Variants in REG3G observed in about 807,000 individuals in gnomAD.
REG3G encodes the protein regenerating family member 3 gamma.
In REG3G, 19 loss-of-function variants were observed where a neutral mutation model predicts 20.9. The observed-to-expected ratio is 0.91, with a 90% CI of 0.64 to 1.34. REG3G has a LOEUF of 1.34. REG3G is among the 40% of genes most tolerant of loss of function. REG3G has a pLI of 0.00. For missense variants in REG3G, 235 were observed against 205.0 expected, an observed-to-expected ratio of 1.15 and a Z score of -0.89; for synonymous variants, 89 against 77.4, an observed-to-expected ratio of 1.15 and a Z score of -0.79.
Position 79,027,922 on chromosome 2 carries a change from C to T in REG3G, c.449C>T (p.Ser150Leu). The T allele has an allele frequency of 4.3e-6, 7 of 1,614,040 alleles. No individual in the cohort carries two copies. Among genetic ancestry groups the T allele is most frequent in the Non-Finnish European group, 5.1e-6 (6 of 1,179,956 alleles). Residue 150 changes from serine to leucine, a missense_variant, in exon 5 of 6, where the codon TCA (serine) becomes TTA (leucine). By Grantham distance (145) the Ser-to-Leu change is moderately radical. Transcript: ENST00000272324. ...AACCCTGGCCACTGTGGGAGCCTGT[C>T]AAGAAGCACAGGTAAGAAACAGAAG... ...ILNPGHCGSL[S>L]RSTGFLKWKD... is the part of the protein sequence containing the mutation.
chr2:79,028,371 C>A lies in REG3G; in HGVS notation c.*95C>A. The A allele has an allele frequency of 1.2e-6, 1 of 827,294 alleles. No individual in the cohort carries two copies. 51.2% of individuals were successfully genotyped at this position (827,294 alleles called of 1,614,324 possible). Reference sequence around the variant, plus strand: ...TCACCCTGGAAGAGAATATTCTCCCCAAACTGCCCTACCTGACTACCTTGT... The same window carrying A: ...TCACCCTGGAAGAGAATATTCTCCCAAAACTGCCCTACCTGACTACCTTGT... On this transcript the variant is annotated 3_prime_UTR_variant, in exon 6 of 6. Coordinates refer to ENST00000272324, the MANE Select transcript of REG3G (RefSeq NM_001008387.3).
In REG3G at chr2:79,027,015, CTCT is replaced by C; in HGVS notation, c.196-17_196-15del. ...AGTGGGTCTCAGGCTCCATCTCATT[CTCT>C]TTGTCCCCCTCAAAGCTGGCTTGCC... On this transcript the variant is annotated splice_polypyrimidine_tract_variant and intron_variant, in intron 3 of 5. Transcript: ENST00000272324. The C allele has an allele frequency of 6.2e-7, 1 of 1,613,902 alleles. No homozygotes were observed. The highest frequency in any genetic ancestry group is 8.5e-7 in the Non-Finnish European group (1 of 1,179,898).
intron 5 of REG3G, 93 bp downstream of exon 5, chr2:79,028,026 C>A (rs1671669744): frequency 6.5e-7 from 1 of 1,526,742 alleles, no homozygotes; most frequent in Non-Finnish European, 9.0e-7. Flanking sequence ...CTAGGTAATG[C>A]AGTGTTTATG....
In REG3G at chr2:79,027,839, G is replaced by A; in HGVS notation, c.366G>A (p.Trp122Ter). 1 of 1,614,046 alleles carries A rather than the reference G, an allele frequency of 6.2e-7. No homozygotes were observed. The highest frequency in any genetic ancestry group is 1.1e-5 in the South Asian group (1 of 91,070). The change falls in exon 5 of 6, where the codon TGG becomes TGA. Residue 122 changes from tryptophan to a stop codon, truncating the protein, a stop_gained. Coordinates refer to ENST00000272324, the MANE Select transcript of REG3G (RefSeq NM_001008387.3). LOFTEE classifies it high-confidence loss of function. ...AGCCTGATGGAGATGGATGGGAGTG[G>A]AGTAGCACTGATGTGATGAATTACT... ...GSEPDGDGWE[W>*]SSTDVMNYFA...
intron 2 of REG3G, chr2:79,026,444 G>T: frequency 1.7e-6 from 1 of 595,808 alleles, no homozygotes; most frequent in South Asian, 2.0e-5. Context: ...TGTGGGGAGG[G>T]ACAATGATTG....
Position 79,028,326 on chromosome 2 carries a change from C to A in REG3G, c.*50C>A. 2.4e-6 allele frequency: 3 copies of A among 1,250,174 alleles called. No individual in the cohort carries two copies. Among genetic ancestry groups the A allele is most frequent in the Non-Finnish European group, 3.5e-6 (3 of 847,880 alleles). 77.4% of individuals were successfully genotyped at this position (1,250,174 alleles called of 1,614,324 possible). A position where few individuals can be genotyped will look rare whatever the true frequency, so the allele number is the denominator to read the frequency against. On this transcript the variant is annotated 3_prime_UTR_variant, in exon 6 of 6. Coordinates refer to ENST00000272324, the MANE Select transcript of REG3G (RefSeq NM_001008387.3). ...AGCTTGGCGTGCAGCTCATCATGGACATGAGACCAGTGTGAAGACTCACCC... is the reference window on the plus strand; with the variant it reads ...AGCTTGGCGTGCAGCTCATCATGGAAATGAGACCAGTGTGAAGACTCACCC...
At position 79,027,131 on chromosome 2, in the gene REG3G, G is replaced by A; in HGVS notation, c.293G>A (p.Ser98Asn). The change falls in exon 4 of 6, where the codon AGC becomes AAC. Residue 98 changes from serine (S) to asparagine (N), a missense_variant. Ser to Asn is a conservative substitution (Grantham distance 46). Coordinates refer to ENST00000272324, the MANE Select transcript of REG3G (RefSeq NM_001008387.3). The part of the protein sequence containing the change: ...VSSLVRSISN[S>N]YSYIWIGLHD... ...TCCCTGGTGAGGAGCATTAGTAACA[G>A]CTATTCATACATCTGGATTGGGCTC... The A allele has an allele frequency of 6.2e-7, 1 of 1,613,898 alleles. No individual in the cohort carries two copies. The highest frequency in any genetic ancestry group is 2.2e-5 in the East Asian group (1 of 44,856).
chr2:79,026,541 C>T (rs1671623723), intron 2 of REG3G, 172 bp from the exon 3 acceptor site: 3 of 622,734 alleles, frequency 4.8e-6, no homozygotes, highest in South Asian at 4.0e-5. Context: ...TAGATGGTGG[C>T]CCATTTAGTA....
In REG3G at chr2:79,028,331, G is replaced by C; in HGVS notation, c.*55G>C. 8.3e-7 allele frequency: 1 copy of C among 1,206,266 alleles called. No homozygotes were observed. The highest frequency in any genetic ancestry group is 1.7e-5 in the Admixed American group (1 of 59,478). The allele number at this position is 1,206,266 out of a possible 1,614,324, so 74.7% of individuals were successfully genotyped here. The stretch of plus-strand genomic sequence containing the variant: ...GGCGTGCAGCTCATCATGGACATGA[G>C]ACCAGTGTGAAGACTCACCCTGGAA... On this transcript the variant is annotated 3_prime_UTR_variant, in exon 6 of 6. Coordinates refer to ENST00000272324, the MANE Select transcript of REG3G (RefSeq NM_001008387.3).
chr2:79,028,364 T>C lies in REG3G; in HGVS notation c.*88T>C. ...TGAAGACTCACCCTGGAAGAGAATA[T>C]TCTCCCCAAACTGCCCTACCTGACT... On this transcript the variant is annotated 3_prime_UTR_variant, in exon 6 of 6. Transcript: ENST00000272324. 2 of 903,784 alleles carry C rather than the reference T, an allele frequency of 2.2e-6. No homozygotes were observed. Among genetic ancestry groups the C allele is most frequent in the East Asian group, 2.4e-5 (1 of 41,184 alleles). 56.0% of individuals were successfully genotyped at this position (903,784 alleles called of 1,614,324 possible).
intron 5 of REG3G, 21 bp from the exon 6 acceptor site, chr2:79,028,187 CT>C: frequency 1.3e-6 from 2 of 1,580,396 alleles, no homozygotes; most frequent in Non-Finnish European, 1.7e-6. Flanking sequence ...AGCCCCATGC[CT>C]TTTATATTCT....
intron 2 of REG3G, chr2:79,026,494 T>C: frequency 1.7e-6 from 1 of 598,034 alleles, no homozygotes; most frequent in Middle Eastern, 4.4e-4. Flanking sequence ...GAAGAGAGTG[T>C]TGAATGGTTG....
rs774066937 is a variant in REG3G at position 79,027,117 on chromosome 2, G to A, written c.279G>A (p.Arg93=). 4 of 1,613,618 alleles carry A rather than the reference G, an allele frequency of 2.5e-6. No individual in the cohort carries two copies. The African/African-American group carries it at 5.3e-5, about 22-fold the overall frequency. The change falls in exon 4 of 6, where the codon AGG becomes AGA. Residue 93 remains arginine, a synonymous_variant. Coordinates refer to ENST00000272324, the MANE Select transcript of REG3G (RefSeq NM_001008387.3). ...AEGSFVSSLV[R]SISNSYSYIW... is the part of the protein sequence containing the mutation. Reference sequence around the variant, plus strand: ...GATCCTTCGTGTCCTCCCTGGTGAGGAGCATTAGTAACAGCTATTCATACA... The same window carrying A: ...GATCCTTCGTGTCCTCCCTGGTGAGAAGCATTAGTAACAGCTATTCATACA...
chr2:79,027,736 C>T lies in REG3G; in HGVS notation c.334-71C>T. The T allele has an allele frequency of 8.9e-6, 14 of 1,574,970 alleles. No homozygotes were observed. In the South Asian group the frequency reaches 1.6e-4, roughly 18 times the overall value. ...GATGCTGGGGAGGAATCAGGTGTTA[C>T]AGCTCAGGGGCCATGCAAAGAGACC... On this transcript the variant is annotated intron_variant, in intron 4 of 5. Transcript: ENST00000272324.
chr2:79,028,393 T>G lies in REG3G; in HGVS notation c.*117T>G. ...CCCCAAACTGCCCTACCTGACTACC[T>G]TGTCATGATCCTCCTTCTTTTTCCT... On this transcript the variant is annotated 3_prime_UTR_variant, in exon 6 of 6. Coordinates refer to ENST00000272324, the MANE Select transcript of REG3G (RefSeq NM_001008387.3). 1 of 676,616 alleles carries G rather than the reference T, an allele frequency of 1.5e-6. No homozygotes were observed. The highest frequency in any genetic ancestry group is 2.7e-6 in the Non-Finnish European group (1 of 374,550). The allele number at this position is 676,616 out of a possible 1,614,324, so 41.9% of individuals were successfully genotyped here.
rs748960218 is a variant in REG3G at position 79,027,108 on chromosome 2, C to T, written c.270C>T (p.Ser90=). 1.2e-6 allele frequency: 2 copies of T among 1,613,736 alleles called. No homozygotes were observed. Among genetic ancestry groups the T allele is most frequent in the East Asian group, 4.5e-5 (2 of 44,854 alleles). ...GGGCTGAGGGATCCTTCGTGTCCTC[C>T]CTGGTGAGGAGCATTAGTAACAGCT... is the stretch of plus-strand genomic sequence containing the variant. The part of the protein sequence containing the change: ...LSGAEGSFVS[S]LVRSISNSYS... Residue 90 remains serine, a synonymous_variant, in exon 4 of 6, where the codon TCC becomes TCT. Coordinates refer to ENST00000272324, the MANE Select transcript of REG3G (RefSeq NM_001008387.3).
At chr2:79,027,701 C>T in intron 4 of REG3G, 106 bp from the exon 5 acceptor site, 1 of 1,381,624 alleles carries the variant, frequency 7.2e-7, no homozygotes, top group Non-Finnish European at 1.0e-6. Context: ...AAGATCAGAC[C>T]AAAATCCCTG....
intron 2 of REG3G, 31 bp downstream of exon 2, chr2:79,026,200 C>T (rs991857751): frequency 6.2e-7 from 1 of 1,604,182 alleles, no homozygotes; most frequent in African/African-American, 1.3e-5. Context: ...GCACTGGGTT[C>T]CCTATGAATC....
In REG3G at chr2:79,028,344, A is replaced by T. The variant is rs1401593730; in HGVS notation, c.*68A>T. 4 of 1,031,958 alleles carry T rather than the reference A, an allele frequency of 3.9e-6. No individual in the cohort carries two copies. The highest frequency in any genetic ancestry group is 6.1e-6 in the Non-Finnish European group (4 of 650,588). The allele number at this position is 1,031,958 out of a possible 1,614,324, so 63.9% of individuals were successfully genotyped here. A position where few individuals can be genotyped will look rare whatever the true frequency, so the allele number is the denominator to read the frequency against. ...TCATGGACATGAGACCAGTGTGAAG[A>T]CTCACCCTGGAAGAGAATATTCTCC... On this transcript the variant is annotated 3_prime_UTR_variant, in exon 6 of 6. Coordinates refer to ENST00000272324, the MANE Select transcript of REG3G (RefSeq NM_001008387.3).
Sources: gnomAD v4.1 joint callset for allele counts on GRCh38, gnomAD v4.1.1 for gene constraint, MANE v1.5 for transcripts, NCBI Gene and HGNC (gene_info 2026-07-23, HGNC 2026-07-21) for gene names.